NDUFAF2: variants seen among roughly 807,000 people sequenced by gnomAD.
NDUFAF2 encodes the protein NADH dehydrogenase [ubiquinone] 1 alpha subcomplex assembly factor 2.
NDUFAF2 carries 13 observed loss-of-function variants against 22.8 expected under a neutral mutation model. That is an observed-to-expected ratio of 0.57 (90% CI 0.37 to 0.91). NDUFAF2 has a LOEUF of 0.91. Among genes scored for constraint, NDUFAF2 ranks in the 40% least tolerant of loss-of-function variants. The pLI is 0.01. For missense variants in NDUFAF2, 162 were observed against 195.2 expected (o/e 0.83, Z 1.01); for synonymous variants, 53 against 64.2 (o/e 0.83, Z 0.84).
At chr5:61,012,615 A>G (rs1428250866) in intron 1 of NDUFAF2, among the ~76,000 whole-genome samples, 1 of 152,062 alleles carries the variant, frequency 6.6e-6, no homozygotes, top group Non-Finnish European at 1.5e-5. Context: ...ACTATTGAAT[A>G]TAGACATGTT....
chr5:61,129,522 C>A (rs1753081626), intron 3 of NDUFAF2, among the ~76,000 whole-genome samples: 1 of 151,976 alleles, frequency 6.6e-6, no homozygotes, highest in Non-Finnish European at 1.5e-5. Context: ...AGCCATCATT[C>A]TCAGCAAACT....
intron 3 of NDUFAF2, among the ~76,000 whole-genome samples, chr5:61,110,659 G>A (rs1038612652): frequency 6.6e-6 from 1 of 151,908 alleles, no homozygotes; most frequent in Non-Finnish European, 1.5e-5. Context: ...CTGTGTTATT[G>A]TAATGTCTCC....
chr5:61,116,663 G>T (rs1196220339), intron 3 of NDUFAF2: 1 of 152,124 alleles, frequency 6.6e-6, no homozygotes, highest in Non-Finnish European at 1.5e-5. Context: ...TTGAATGTAG[G>T]CTAAACACAT....
At chr5:60,956,882 T>A (rs1364247547) in intron 1 of NDUFAF2, among the ~76,000 whole-genome samples, 1 of 152,130 alleles carries the variant, frequency 6.6e-6, no homozygotes, top group Non-Finnish European at 1.5e-5. Context: ...TTTTTTTTAG[T>A]TAAAAAGAAA....
At chr5:61,117,366 T>G (rs1053712881) in intron 3 of NDUFAF2, among the ~76,000 whole-genome samples, 1 of 152,140 alleles carries the variant, frequency 6.6e-6, no homozygotes, top group East Asian at 1.9e-4. Flanking sequence ...GATGTATAAT[T>G]TTTTTAAGAG....
chr5:60,960,503 A>AAT (rs1750669829), intron 1 of NDUFAF2, among the ~76,000 whole-genome samples: 2 of 152,190 alleles, frequency 1.3e-5, no homozygotes, highest in South Asian at 4.1e-4. Context: ...CACTTTTCAA[A>AAT]GTACTACTCA....
chr5:61,107,052 C>T (rs1282565054), intron 3 of NDUFAF2, among the ~76,000 whole-genome samples: 3 of 137,680 alleles, frequency 2.2e-5, no homozygotes, highest in African/African-American at 3.0e-5. Flanking sequence ...AATATACACA[C>T]ACACACACAC....
In NDUFAF2 at chr5:60,965,129, A is replaced by G. The variant is rs557215737; in HGVS notation, c.127+19747A>G. ...GATTTTTCAACTAGGTCTAGGAACC[A>G]CTAACATGACAGATACAGAAGACAG... is the stretch of plus-strand genomic sequence containing the variant. On this transcript the variant is annotated intron_variant, in intron 1 of 3. Coordinates refer to ENST00000296597, the MANE Select transcript of NDUFAF2 (RefSeq NM_174889.5). 1.4e-4 allele frequency among the ~76,000 whole-genome samples: 22 copies of G among 152,304 alleles called. No individual in the cohort carries two copies. In the South Asian group the frequency reaches 4.6e-3, roughly 32 times the overall value.
At chr5:61,064,798 G>T (rs1171607398) in intron 1 of NDUFAF2, among the ~76,000 whole-genome samples, 6 of 151,588 alleles carry the variant, frequency 4.0e-5, no homozygotes, top group Admixed American at 6.6e-5. Flanking sequence ...CAAATAAATT[G>T]TCTAACATTA....
chr5:60,996,891 C>T (rs1370436994), intron 1 of NDUFAF2, among the ~76,000 whole-genome samples: 1 of 152,152 alleles, frequency 6.6e-6, no homozygotes, highest in African/African-American at 2.4e-5. Context: ...TTTGTCTCTT[C>T]AGTGCCTCTT....
chr5:61,134,147 G>T (rs1753145909), intron 3 of NDUFAF2, among the ~76,000 whole-genome samples: 1 of 152,086 alleles, frequency 6.6e-6, no homozygotes, highest in African/African-American at 2.4e-5. Flanking sequence ...GTGATATATT[G>T]TCAAGTAAAA....
intron 3 of NDUFAF2, among the ~76,000 whole-genome samples, chr5:61,103,918 A>G (rs900629949): frequency 6.6e-6 from 1 of 152,098 alleles, no homozygotes. Flanking sequence ...TTCACTTTCA[A>G]TACAGTATTC....
intron 3 of NDUFAF2, among the ~76,000 whole-genome samples, chr5:61,137,944 TG>T (rs957405441): frequency 2.0e-5 from 3 of 152,364 alleles, no homozygotes; most frequent in Admixed American, 2.0e-4. Context: ...TTGAAATAGC[TG>T]GGCCTTTATG....
In NDUFAF2 at chr5:60,959,335, A is replaced by G. The variant is rs933195384; in HGVS notation, c.127+13953A>G. 7.2e-5 allele frequency among the ~76,000 whole-genome samples: 11 copies of G among 152,172 alleles called. No individual in the cohort carries two copies. The South Asian group carries it at 1.7e-3, about 23-fold the overall frequency. ...TTTTTTTGAATTGATTTGAAGGAGT[A>G]ATCATTTCTCTAAAATAACTGGATG... is the stretch of plus-strand genomic sequence containing the variant. On this transcript the variant is annotated intron_variant, in intron 1 of 3. Coordinates refer to ENST00000296597, the MANE Select transcript of NDUFAF2 (RefSeq NM_174889.5).
rs947587996 is a variant in NDUFAF2 at position 60,995,511 on chromosome 5, C to G, written c.127+50129C>G. 2.0e-5 allele frequency among the ~76,000 whole-genome samples: 3 copies of G among 152,324 alleles called. No individual in the cohort carries two copies. The East Asian group carries it at 5.8e-4, about 29-fold the overall frequency. ...CAGGCAGAGACTCTTGTACTCTTCTCTTTCTCCCAAACATACAGAACCTCT... is the reference window on the plus strand; with the variant it reads ...CAGGCAGAGACTCTTGTACTCTTCTGTTTCTCCCAAACATACAGAACCTCT... On this transcript the variant is annotated intron_variant, in intron 1 of 3. Coordinates refer to ENST00000296597, the MANE Select transcript of NDUFAF2 (RefSeq NM_174889.5).
intron 1 of NDUFAF2, among the ~76,000 whole-genome samples, chr5:60,955,022 T>A (rs766635112): frequency 1.3e-5 from 2 of 152,200 alleles, no homozygotes; most frequent in Non-Finnish European, 2.9e-5. Context: ...TTTGTCCTAT[T>A]CCATAGGTTG....
At chr5:61,062,348 TATAG>T (rs947579537) in intron 1 of NDUFAF2, among the ~76,000 whole-genome samples, 7 of 152,064 alleles carry the variant, frequency 4.6e-5, no homozygotes, top group African/African-American at 1.7e-4. Context: ...AGAAATTCAA[TATAG>T]ATAGATATCA....
At chr5:61,037,233 A>C (rs768021056) in intron 1 of NDUFAF2, among the ~76,000 whole-genome samples, 19 of 152,200 alleles carry the variant, frequency 1.2e-4, no homozygotes, top group Admixed American at 7.2e-4. Context: ...TCAAAAAAAG[A>C]AGAGATTCAT....
At chr5:61,007,081 A>G (rs1751376927) in intron 1 of NDUFAF2, among the ~76,000 whole-genome samples, 1 of 151,856 alleles carries the variant, frequency 6.6e-6, no homozygotes, top group South Asian at 2.1e-4. Context: ...GTTCATTCTG[A>G]TGGTAGTTTC....
Sources: gnomAD v4.1 joint callset for allele counts (sites outside exome capture counted in the v4.1 genomes callset) on GRCh38, gnomAD v4.1.1 for gene constraint, MANE v1.5 for transcripts, NCBI Gene and HGNC (gene_info 2026-07-23, HGNC 2026-07-21) for gene names.